The following PDE1A variants were observed in gnomAD, a reference collection of about 807,000 sequenced individuals.
PDE1A encodes the protein dual specificity calcium/calmodulin-dependent 3',5'-cyclic nucleotide phosphodiesterase 1A.
A neutral mutation model predicts 61.7 loss-of-function variants in PDE1A; 35 were observed. That is an observed-to-expected ratio of 0.57 (90% CI 0.43 to 0.75). The LOEUF is 0.75. PDE1A is among the 30% of genes least tolerant of loss of function. The pLI, the probability that PDE1A is intolerant of heterozygous loss-of-function variation, is 0.00. For synonymous variants in PDE1A, 232 were observed against 213.2 expected (o/e 1.09, Z -0.77); for missense variants, 597 against 630.6 (o/e 0.95, Z 0.57).
intron 2 of PDE1A, among the ~76,000 whole-genome samples, chr2:182,475,686 T>A (rs1043798834): frequency 1.3e-5 from 2 of 151,930 alleles, no homozygotes; most frequent in East Asian, 3.9e-4. Flanking sequence ...ACATACCAGA[T>A]TTTTTTGTCA....
chr2:182,626,733 A>G, the PDE1A span, among the ~76,000 whole-genome samples: 135 of 5,998 alleles, frequency 0.023, 13 homozygotes, highest in South Asian at 0.12. Context: ...ATATATATAT[A>G]TATACATATA....
chr2:182,427,962 C>T (rs1030819393), upstream of PDE1A, among the ~76,000 whole-genome samples: 2 of 152,084 alleles, frequency 1.3e-5, no homozygotes, highest in Non-Finnish European at 2.9e-5. Context: ...GATCAAATGT[C>T]ACAAAGGAGG....
chr2:182,390,175 C>A (rs1701341848), intron 1 of PDE1A, among the ~76,000 whole-genome samples: 1 of 152,250 alleles, frequency 6.6e-6, no homozygotes, highest in South Asian at 2.1e-4. Context: ...AGAATCTAGA[C>A]TAACACAGAT....
the PDE1A span, among the ~76,000 whole-genome samples, chr2:182,572,180 CT>C: frequency 6.6e-6 from 1 of 152,122 alleles, no homozygotes; most frequent in Non-Finnish European, 1.5e-5. Flanking sequence ...AGAATGTCTT[CT>C]TAGGAGTGTG....
intron 2 of PDE1A, among the ~76,000 whole-genome samples, chr2:182,249,784 A>G (rs1426828896): frequency 6.6e-6 from 1 of 150,792 alleles, no homozygotes; most frequent in Non-Finnish European, 1.5e-5. Context: ...GGTAACACCA[A>G]TCCTTCACTC....
chr2:182,707,477 T>C, the PDE1A span, among the ~76,000 whole-genome samples: 5 of 152,100 alleles, frequency 3.3e-5, no homozygotes, highest in African/African-American at 1.2e-4. Flanking sequence ...CCCCAGATGC[T>C]AAAAGATAAT....
In PDE1A at chr2:182,147,042, T is replaced by C. The variant is rs776358287; in HGVS notation, c.*37A>G. On this transcript the variant is annotated 3_prime_UTR_variant, in exon 14 of 14. Transcript: ENST00000409365. ...GTCTATAAAATAAAATTACCTCTCATGTTTAAAATGACAGAAGTCTTTAAG... is the reference window on the plus strand; with the variant it reads ...GTCTATAAAATAAAATTACCTCTCACGTTTAAAATGACAGAAGTCTTTAAG... The C allele has an allele frequency of 6.0e-6, 8 of 1,328,960 alleles. No homozygotes were observed. The South Asian group carries it at 7.7e-5, about 13-fold the overall frequency. The allele number at this position is 1,328,960 out of a possible 1,614,324, so 82.3% of individuals were successfully genotyped here. A position where few individuals can be genotyped will look rare whatever the true frequency, so the allele number is the denominator to read the frequency against.
intron 13 of PDE1A, among the ~76,000 whole-genome samples, chr2:182,156,776 T>C (rs1484672382): frequency 6.6e-6 from 1 of 152,052 alleles, no homozygotes; most frequent in Non-Finnish European, 1.5e-5. Flanking sequence ...GCACAAGTCC[T>C]ATACCCGTGG....
intron 2 of PDE1A, among the ~76,000 whole-genome samples, chr2:182,434,123 C>G (rs1417893473): frequency 6.6e-6 from 1 of 152,054 alleles, no homozygotes. Context: ...AGGAAAAGAT[C>G]AGAACATGTA....
At position 182,234,425 on chromosome 2, in the gene PDE1A, A is replaced by G. The variant is rs1689842120; in HGVS notation, c.417+7T>C. 1 of 1,579,430 alleles carries G rather than the reference A, an allele frequency of 6.3e-7. No individual in the cohort carries two copies. The highest frequency in any genetic ancestry group is 1.8e-5 in the Admixed American group (1 of 56,930). ...TTTTATACACGAAAATAATGAAATT[A>G]TGTCACCTTTAATGTTACGATGACA... is the stretch of plus-strand genomic sequence containing the variant. On this transcript the variant is annotated splice_region_variant and intron_variant, in intron 4 of 13. Coordinates refer to ENST00000351439, the Ensembl canonical transcript of PDE1A.
upstream of PDE1A, among the ~76,000 whole-genome samples, chr2:182,523,494 G>T (rs950005101): frequency 6.6e-6 from 1 of 152,154 alleles, no homozygotes; most frequent in Non-Finnish European, 1.5e-5. Flanking sequence ...CTTGCTATCT[G>T]CAAGCTGCTA....
intron 13 of PDE1A, among the ~76,000 whole-genome samples, chr2:182,173,703 C>CTGTT (rs10664174): frequency 0.75 from 112,689 of 151,162 alleles, 42,224 homozygotes; most frequent in East Asian, 0.91. Flanking sequence ...TTGTTTTCCT[C>CTGTT]TGATTATTTG....
exon 13 of PDE1A, chr2:182,185,947 G>C: frequency 1.2e-6 from 2 of 1,614,028 alleles, no homozygotes; most frequent in Non-Finnish European, 1.7e-6. Flanking sequence ...TGTCCACCAG[G>C]TTGTTCTTGA....
At chr2:182,188,779 T>C (rs986645784) in intron 11 of PDE1A, among the ~76,000 whole-genome samples, 200 bp downstream of exon 11, 1 of 152,248 alleles carries the variant, frequency 6.6e-6, no homozygotes, top group Non-Finnish European at 1.5e-5. Context: ...CATTTACTAA[T>C]GTTGCTTTAT....
intron 2 of PDE1A, among the ~76,000 whole-genome samples, chr2:182,492,449 A>G (rs1025591546): frequency 6.6e-5 from 10 of 152,198 alleles, no homozygotes; most frequent in South Asian, 2.1e-4. Flanking sequence ...TGGATGATAA[A>G]TGGATCTCTT....
At chr2:182,339,613 G>T (rs1408549178) in intron 1 of PDE1A, among the ~76,000 whole-genome samples, 20 of 152,190 alleles carry the variant, frequency 1.3e-4, no homozygotes, top group Admixed American at 1.3e-3. Flanking sequence ...TACAAGTCCT[G>T]TTCTATCTGC....
At chr2:182,142,265 T>C (rs1387650616), downstream of PDE1A, 1 of 152,202 alleles carries the variant, frequency 6.6e-6, no homozygotes, top group Admixed American at 6.5e-5. Flanking sequence ...TCTCCAGCAA[T>C]GGTTGACGGT....
At chr2:182,166,798 A>G (rs996732567), downstream of PDE1A, among the ~76,000 whole-genome samples, 1 of 152,192 alleles carries the variant, frequency 6.6e-6, no homozygotes, top group African/African-American at 2.4e-5. Flanking sequence ...TGAAATAAAT[A>G]TACTTATTTG....
chr2:182,225,967 G>C (rs987517392), intron 6 of PDE1A, among the ~76,000 whole-genome samples: 2 of 149,516 alleles, frequency 1.3e-5, no homozygotes, highest in African/African-American at 2.5e-5. Flanking sequence ...ACCTTATAGA[G>C]GTCTGAATTG....
Sources: gnomAD v4.1 joint callset for allele counts (sites outside exome capture counted in the v4.1 genomes callset) on GRCh38, gnomAD v4.1.1 for gene constraint, MANE v1.5 for transcripts, NCBI Gene and HGNC (gene_info 2026-07-23, HGNC 2026-07-21) for gene names.